Variants in NRG1 observed in about 807,000 individuals in gnomAD.
NRG1 encodes pro-neuregulin-1, membrane-bound isoform.
In NRG1, 18 loss-of-function variants were observed where a neutral mutation model predicts 63.8. The observed-to-expected ratio is 0.28, with a 90% CI of 0.19 to 0.42. The LOEUF (loss-of-function observed/expected upper bound fraction) is 0.42. NRG1 is among the 10% of genes least tolerant of loss of function. NRG1 has a pLI of 1.00. For synonymous variants in NRG1, 302 were observed against 301.3 expected (o/e 1.00, Z -0.02); for missense variants, 762 against 814.7 (o/e 0.94, Z 0.79).
intron 1 of NRG1, among the ~76,000 whole-genome samples, chr8:32,439,217 A>T (rs1399664895): frequency 1.3e-5 from 2 of 152,198 alleles, no homozygotes; most frequent in African/African-American, 4.8e-5. Context: ...ATTAGTTAAC[A>T]GTTATTTTTT....
chr8:32,451,635 T>G (rs1034568361), intron 1 of NRG1, among the ~76,000 whole-genome samples: 4 of 152,218 alleles, frequency 2.6e-5, no homozygotes, highest in African/African-American at 9.6e-5. Context: ...TCAAATTGTT[T>G]GAGTTGCTGA....
At chr8:32,398,209 A>T (rs1246158042) in intron 1 of NRG1, among the ~76,000 whole-genome samples, 1 of 40,076 alleles carries the variant, frequency 2.5e-5, no homozygotes, top group Non-Finnish European at 6.0e-5. Context: ...AGCAAAAATA[A>T]AAAAAGAAAA....
At chr8:32,718,149 C>T (rs73675423) in intron 5 of NRG1, among the ~76,000 whole-genome samples, 14 of 151,968 alleles carry the variant, frequency 9.2e-5, no homozygotes, top group Admixed American at 3.3e-4. Flanking sequence ...TTAGTGTTAC[C>T]GGTGAGTATT....
intron 11 of NRG1, chr8:32,763,225 C>A: frequency 6.2e-7 from 1 of 1,613,812 alleles, no homozygotes; most frequent in South Asian, 1.1e-5. Context: ...AAGACATAAC[C>A]TTATAGCTGA....
intron 1 of NRG1, among the ~76,000 whole-genome samples, chr8:32,510,955 C>CCT (rs2129500604): frequency 1.6e-5 from 2 of 125,600 alleles, no homozygotes; most frequent in African/African-American, 5.9e-5. Context: ...TCTTTCTTTC[C>CCT]TTTTTTTTTT....
chr8:31,947,291 A>G (rs1261215646), intron 1 of NRG1, among the ~76,000 whole-genome samples: 3 of 142,638 alleles, frequency 2.1e-5, no homozygotes, highest in Non-Finnish European at 4.5e-5. Flanking sequence ...TGGGCGACAG[A>G]GTGAGACTCC....
intron 1 of NRG1, among the ~76,000 whole-genome samples, chr8:32,430,761 C>T (rs1220017401): frequency 6.6e-6 from 1 of 150,994 alleles, no homozygotes; most frequent in Non-Finnish European, 1.5e-5. Flanking sequence ...TCTGATTATA[C>T]CTCATGTTAC....
intron 1 of NRG1, among the ~76,000 whole-genome samples, chr8:31,920,877 T>C (rs991214023): frequency 7.7e-6 from 1 of 129,244 alleles, no homozygotes; most frequent in South Asian, 2.7e-4. Context: ...GATAGATAGA[T>C]AGATAGGTAG....
At position 32,305,294 on chromosome 8, in the gene NRG1, G is replaced by A. The variant is rs1856056629; in HGVS notation, c.38-290534G>A. Among the ~76,000 whole-genome samples, 4 of 151,990 alleles carry A rather than the reference G, an allele frequency of 2.6e-5. No individual in the cohort carries two copies. In the South Asian group the frequency reaches 8.3e-4, roughly 32 times the overall value. On this transcript the variant is annotated intron_variant, in intron 1 of 10. Coordinates refer to the NRG1 transcript ENST00000519301. Reference sequence around the variant, plus strand: ...TTAATGTTCAGATTGATTTTATGAAGAATTTTTGCGTTAGTGAATGAAGCT... The same window carrying A: ...TTAATGTTCAGATTGATTTTATGAAAAATTTTTGCGTTAGTGAATGAAGCT...
At chr8:32,503,658 A>G (rs1828152759) in intron 1 of NRG1, among the ~76,000 whole-genome samples, 1 of 152,204 alleles carries the variant, frequency 6.6e-6, no homozygotes, top group Admixed American at 6.5e-5. Context: ...AACTCTCTTT[A>G]ATTAAAGAAA....
intron 1 of NRG1, among the ~76,000 whole-genome samples, chr8:32,225,203 T>C (rs1846198102): frequency 6.6e-6 from 1 of 152,196 alleles, no homozygotes; most frequent in Admixed American, 6.5e-5. Context: ...AGCTATTAGC[T>C]TGGCCAAATA....
intron 1 of NRG1, among the ~76,000 whole-genome samples, chr8:32,292,754 G>C (rs1030305654): frequency 6.6e-6 from 1 of 152,180 alleles, no homozygotes; most frequent in Non-Finnish European, 1.5e-5. Flanking sequence ...CATTTATGAA[G>C]TATATTGAGT....
rs898610920 is a variant in NRG1, at chr8:32,453,313, A to G, written c.38-142515A>G. On this transcript the variant is annotated intron_variant, in intron 1 of 10. Coordinates refer to the NRG1 transcript ENST00000519301. ...TGTATGAAATTAAGGTCTTATTGACAATCTACGTATCAGAGCCTCGTACAC... is the reference window on the plus strand; with the variant it reads ...TGTATGAAATTAAGGTCTTATTGACGATCTACGTATCAGAGCCTCGTACAC... Among the ~76,000 whole-genome samples the G allele has an allele frequency of 2.0e-5, 3 of 152,220 alleles. No homozygotes were observed. The East Asian group carries it at 5.8e-4, about 29-fold the overall frequency.
At chr8:31,657,003 A>G (rs1304234362) in intron 1 of NRG1, among the ~76,000 whole-genome samples, 1 of 152,228 alleles carries the variant, frequency 6.6e-6, no homozygotes, top group Non-Finnish European at 1.5e-5. Context: ...CAGTCAAGGA[A>G]TTCAAAGTTA....
At chr8:32,259,631 A>T (rs1178118279) in intron 1 of NRG1, among the ~76,000 whole-genome samples, 2 of 152,194 alleles carry the variant, frequency 1.3e-5, no homozygotes, top group Non-Finnish European at 2.9e-5. Flanking sequence ...CCAACAGTTC[A>T]TGTTACCCCT....
At chr8:32,150,569 C>T (rs1290705706) in intron 1 of NRG1, among the ~76,000 whole-genome samples, 1 of 152,182 alleles carries the variant, frequency 6.6e-6, no homozygotes, top group African/African-American at 2.4e-5. Flanking sequence ...GAGCCCTTGC[C>T]AGACACTGAA....
At chr8:32,578,097 C>T (rs1247047211) in intron 1 of NRG1, among the ~76,000 whole-genome samples, 6 of 151,972 alleles carry the variant, frequency 3.9e-5, no homozygotes, top group Non-Finnish European at 4.4e-5. Flanking sequence ...CAGGTTCAAG[C>T]GATTCTCTAG....
chr8:31,857,368 C>T (rs901535472), intron 1 of NRG1, among the ~76,000 whole-genome samples: 5 of 152,192 alleles, frequency 3.3e-5, no homozygotes, highest in Admixed American at 1.3e-4. Context: ...GGGAGTGACC[C>T]GATTTTCCAG....
intron 1 of NRG1, among the ~76,000 whole-genome samples, chr8:31,697,025 C>CG (rs1160244329): frequency 2.8e-4 from 43 of 152,254 alleles, no homozygotes; most frequent in African/African-American, 1.0e-3. Flanking sequence ...TATCCAGATA[C>CG]GTTGACTTTG....
Sources: allele counts gnomAD v4.1 joint callset (sites outside exome capture counted in the v4.1 genomes callset), GRCh38; gene constraint gnomAD v4.1.1; transcripts MANE v1.5; gene names NCBI Gene and HGNC (gene_info 2026-07-23, HGNC 2026-07-21).